EPHB2: variants seen among roughly 807,000 people sequenced by gnomAD.
EPHB2 encodes ephrin type-B receptor 2.
EPHB2 carries 18 observed loss-of-function variants against 96.4 expected under a neutral mutation model. The ratio of observed to expected loss-of-function variants is 0.19; its 90% CI spans 0.13 to 0.28. The LOEUF (loss-of-function observed/expected upper bound fraction) is 0.28, where lower values mean the gene tolerates loss of function less well. Among genes scored for constraint, EPHB2 ranks in the 10% least tolerant of loss-of-function variants. EPHB2 has a pLI of 1.00. For missense variants in EPHB2, 989 were observed against 1,355.4 expected (o/e 0.73, Z 4.25); for synonymous variants, 506 against 534.1 (o/e 0.95, Z 0.72).
chr1:22,724,413 A>C (rs1643537074), intron 1 of EPHB2, among the ~76,000 whole-genome samples: 1 of 152,134 alleles, frequency 6.6e-6, no homozygotes, highest in Non-Finnish European at 1.5e-5. Context: ...GTAGGACTTG[A>C]GTATTGGCAG....
chr1:22,913,929 C>T lies in EPHB2; in HGVS notation c.*359C>T. The stretch of plus-strand genomic sequence containing the variant: ...ATCGGAGACAAAAGCAGTTTCTCTC[C>T]AACTCCCTCTGGGAAGGTGACCTGG... On this transcript the variant is annotated 3_prime_UTR_variant, in exon 16 of 16. Transcript: ENST00000374630. The surrounding 1 kb of genome is among the most constrained non-coding windows in gnomAD (Gnocchi z 4.1). 6.7e-7 allele frequency: 1 copy of T among 1,493,880 alleles called. No individual in the cohort carries two copies. Among genetic ancestry groups the T allele is most frequent in the Non-Finnish European group, 8.9e-7 (1 of 1,122,762 alleles). 92.5% of individuals were successfully genotyped at this position (1,493,880 alleles called of 1,614,324 possible).
At chr1:22,832,926 G>A (rs1339453347) in intron 3 of EPHB2, among the ~76,000 whole-genome samples, 1 of 152,082 alleles carries the variant, frequency 6.6e-6, no homozygotes, top group Non-Finnish European at 1.5e-5. Context: ...ATGCACATGT[G>A]GCTTAGTGAA....
chr1:22,735,880 G>T (rs1054693989), intron 1 of EPHB2, among the ~76,000 whole-genome samples: 1 of 152,190 alleles, frequency 6.6e-6, no homozygotes, highest in Non-Finnish European at 1.5e-5. Flanking sequence ...TTAGGGCAGA[G>T]CCCCTGCCTG....
chr1:22,852,136 C>T (rs1261272238), intron 3 of EPHB2, among the ~76,000 whole-genome samples: 1 of 152,210 alleles, frequency 6.6e-6, no homozygotes, highest in African/African-American at 2.4e-5. Context: ...CATTGTTAAG[C>T]ACCTACCCCA....
chr1:22,847,090 C>A (rs1645554634), intron 3 of EPHB2, among the ~76,000 whole-genome samples: 1 of 152,230 alleles, frequency 6.6e-6, no homozygotes, highest in Non-Finnish European at 1.5e-5. Flanking sequence ...CCCCGCAGAA[C>A]CTCCATCACC....
intron 3 of EPHB2, among the ~76,000 whole-genome samples, chr1:22,831,998 G>C (rs1000771355): frequency 1.3e-5 from 2 of 152,210 alleles, no homozygotes; most frequent in Non-Finnish European, 2.9e-5. Context: ...GAAGAATTGG[G>C]CTTCCCCAGG....
chr1:22,775,488 G>C (rs1056946288), intron 1 of EPHB2, among the ~76,000 whole-genome samples: 6 of 152,250 alleles, frequency 3.9e-5, no homozygotes, highest in Non-Finnish European at 5.9e-5. Flanking sequence ...GACAGAGCTG[G>C]CTAGGGGTGG....
At chr1:22,888,607 C>T (rs1297695018) in intron 6 of EPHB2, among the ~76,000 whole-genome samples, 1 of 152,194 alleles carries the variant, frequency 6.6e-6, no homozygotes, top group Non-Finnish European at 1.5e-5. Flanking sequence ...CATACTGAAT[C>T]TCTTCCCATC....
Position 22,733,441 on chromosome 1 carries a change from G to C in EPHB2, c.61+22398G>C, listed in dbSNP as rs1265803393. Among the ~76,000 whole-genome samples, 2 of 152,202 alleles carry C rather than the reference G, an allele frequency of 1.3e-5. No homozygotes were observed. Among genetic ancestry groups the C allele is most frequent in the Admixed American group, 1.3e-4 (2 of 15,286 alleles). Reference sequence around the variant, plus strand: ...CCTGTGCAAAGTCACACAGTGATGAGTGATGATATGAATGATGAAAATATT... The same window carrying C: ...CCTGTGCAAAGTCACACAGTGATGACTGATGATATGAATGATGAAAATATT... On this transcript the variant is annotated intron_variant, in intron 1 of 15. Transcript: ENST00000374630. This position sits in a 1 kb window ranked among gnomAD's most constrained non-coding sequence, Gnocchi z 4.6.
intron 6 of EPHB2, 179 bp from the exon 7 acceptor site, chr1:22,892,705 G>C (rs1639427238): frequency 1.2e-6 from 1 of 821,780 alleles, no homozygotes; most frequent in Admixed American, 1.7e-5. Context: ...TTTGTGGGCA[G>C]TGTTGAAAAG....
At chr1:22,788,470 G>A (rs548656857) in intron 3 of EPHB2, among the ~76,000 whole-genome samples, 8 of 152,358 alleles carry the variant, frequency 5.3e-5, no homozygotes, top group African/African-American at 1.9e-4. Context: ...CAGATGTGAG[G>A]CTGCTGCAGC....
chr1:22,912,161 C>T (rs969457153), intron 14 of EPHB2, among the ~76,000 whole-genome samples: 20 of 152,182 alleles, frequency 1.3e-4, no homozygotes, highest in Admixed American at 1.2e-3. Flanking sequence ...GCCTCTTGGC[C>T]ATCCCTGCAG....
chr1:22,832,110 G>C (rs1645313088), intron 3 of EPHB2, among the ~76,000 whole-genome samples: 1 of 152,188 alleles, frequency 6.6e-6, no homozygotes, highest in South Asian at 2.1e-4. Context: ...GAGCGATGGA[G>C]AGCCAGAAAG....
Position 22,892,505 on chromosome 1 carries a change from T to C in EPHB2, c.1429-379T>C, listed in dbSNP as rs1639420759. ...AGTTGGGTCATGGTCTCCTCCTGTT[T>C]CTCATGCTGGAGCCAGTGGTTACCC... On this transcript the variant is annotated intron_variant, in intron 6 of 15. Coordinates refer to ENST00000374630, the MANE Select transcript of EPHB2 (RefSeq NM_017449.5). Among the ~76,000 whole-genome samples the C allele has an allele frequency of 2.6e-5, 4 of 152,222 alleles. No homozygotes were observed. In the South Asian group the frequency reaches 8.3e-4, roughly 32 times the overall value.
rs755631924 is a variant in EPHB2, at chr1:22,913,716, G to A, written c.*146G>A. 23 of 1,601,914 alleles carry A rather than the reference G, an allele frequency of 1.4e-5. No individual in the cohort carries two copies. Among genetic ancestry groups the A allele is most frequent in the East Asian group, 2.2e-5 (1 of 44,514 alleles). Reference sequence around the variant, plus strand: ...GGAAGAACCAAGCGGTGCCAGCCACGAGACGTCACCAAGAAAACATGCAAC... The same window carrying A: ...GGAAGAACCAAGCGGTGCCAGCCACAAGACGTCACCAAGAAAACATGCAAC... On this transcript the variant is annotated 3_prime_UTR_variant, in exon 16 of 16. Transcript: ENST00000374630. This position sits in a 1 kb window ranked among gnomAD's most constrained non-coding sequence, Gnocchi z 4.1.
intron 7 of EPHB2, among the ~76,000 whole-genome samples, chr1:22,894,752 C>T (rs1639502340): frequency 6.6e-6 from 1 of 152,144 alleles, no homozygotes; most frequent in African/African-American, 2.4e-5. Context: ...GACCTGGGTT[C>T]AAATGCCTGG....
chr1:22,913,126 G>A lies in EPHB2; in HGVS notation c.2853-336G>A. ...GGGAATTGCTTGAACCAAGGAGGTA[G>A]AGGTTGCAGTGAGCTGAGATCACGC... On this transcript the variant is annotated intron_variant, in intron 15 of 15. Coordinates refer to ENST00000374630, the MANE Select transcript of EPHB2 (RefSeq NM_017449.5). The surrounding 1 kb of genome is among the most constrained non-coding windows in gnomAD (Gnocchi z 4.1). 2.5e-6 allele frequency: 1 copy of A among 396,756 alleles called. No individual in the cohort carries two copies. The highest frequency in any genetic ancestry group is 4.8e-6 in the Non-Finnish European group (1 of 209,068). The allele number at this position is 396,756 out of a possible 1,614,324, so 24.6% of individuals were successfully genotyped here.
intron 2 of EPHB2, among the ~76,000 whole-genome samples, chr1:22,782,472 A>C: frequency 3.7e-5 from 2 of 54,626 alleles, no homozygotes; most frequent in Admixed American, 2.7e-4. Flanking sequence ...CCCACCCCCC[A>C]GGCCTGTGCT....
At chr1:22,799,577 G>C (rs1010751568) in intron 3 of EPHB2, among the ~76,000 whole-genome samples, 4 of 152,224 alleles carry the variant, frequency 2.6e-5, no homozygotes, top group African/African-American at 9.6e-5. Context: ...TGTTTGCCCT[G>C]TTTGACACAG....
Sources: allele counts gnomAD v4.1 joint callset (sites outside exome capture counted in the v4.1 genomes callset), GRCh38; gene constraint gnomAD v4.1.1; non-coding constraint Gnocchi (gnomAD v3.1); transcripts MANE v1.5; gene names NCBI Gene and HGNC (gene_info 2026-07-23, HGNC 2026-07-21).